Variants in RANBP2 observed in about 807,000 individuals in gnomAD.
The protein encoded by RANBP2 is RAN binding protein 2.
RANBP2 carries 57 observed loss-of-function variants against 303.6 expected under a neutral mutation model. The ratio of observed to expected loss-of-function variants is 0.19; its 90% CI spans 0.15 to 0.23. The LOEUF (loss-of-function observed/expected upper bound fraction) is 0.23, where lower values mean the gene tolerates loss of function less well. RANBP2 is among the 10% of genes least tolerant of loss of function. The probability of loss-of-function intolerance (pLI) is 1.00; values close to 1 mark genes in which losing one functional copy is unlikely to be tolerated. For synonymous variants in RANBP2, 1,167 were observed against 1,301.5 expected (o/e 0.90, Z 2.23); for missense variants, 3,138 against 3,780.8 (o/e 0.83, Z 4.46).
the RANBP2 span, among the ~76,000 whole-genome samples, chr2:109,314,183 G>A: frequency 6.6e-6 from 1 of 152,154 alleles, no homozygotes; most frequent in Admixed American, 6.5e-5. Flanking sequence ...GAGACCAGCG[G>A]GTGGGTGTCC....
the RANBP2 span, among the ~76,000 whole-genome samples, chr2:109,218,710 G>T: frequency 6.6e-6 from 1 of 152,290 alleles, no homozygotes; most frequent in African/African-American, 2.4e-5. Flanking sequence ...TTTCATCATG[G>T]CTGGACTTTG....
chr2:109,258,907 G>A, the RANBP2 span, among the ~76,000 whole-genome samples: 1 of 152,192 alleles, frequency 6.6e-6, no homozygotes, highest in Non-Finnish European at 1.5e-5. Context: ...TTGCCTTTCA[G>A]CTCGAGCTGC....
chr2:109,416,355 G>A, the RANBP2 span, among the ~76,000 whole-genome samples: 1 of 151,930 alleles, frequency 6.6e-6, no homozygotes. Context: ...AGCACTTTGG[G>A]AGGCTGAGGA....
the RANBP2 span, among the ~76,000 whole-genome samples, chr2:109,629,314 T>G: frequency 0.027 from 91 of 3,430 alleles, 4 homozygotes; most frequent in African/African-American, 0.046. Flanking sequence ...TATATATATA[T>G]ATATATATAT....
At chr2:109,147,048 C>A in the RANBP2 span, among the ~76,000 whole-genome samples, 3 of 152,048 alleles carry the variant, frequency 2.0e-5, no homozygotes, top group Non-Finnish European at 4.4e-5. Flanking sequence ...AGGCTCTGCC[C>A]TCCCAACAAC....
chr2:109,113,859 T>C, the RANBP2 span, among the ~76,000 whole-genome samples: 2 of 152,274 alleles, frequency 1.3e-5, no homozygotes, highest in Non-Finnish European at 2.9e-5. Context: ...TGTTGAATTT[T>C]GTCAAAGACC....
the RANBP2 span, among the ~76,000 whole-genome samples, chr2:109,181,335 A>G: frequency 6.6e-6 from 1 of 152,228 alleles, no homozygotes; most frequent in Non-Finnish European, 1.5e-5. Context: ...TAACATGGGT[A>G]CATTACTGTT....
the RANBP2 span, among the ~76,000 whole-genome samples, chr2:109,634,119 CAAAAAAAA>C: frequency 3.2e-4 from 18 of 56,096 alleles, no homozygotes; most frequent in East Asian, 1.4e-3. Context: ...GACTCTGTCT[CAAAAAAAA>C]AAAAAAAAAA....
At chr2:108,821,511 A>G in the RANBP2 span, among the ~76,000 whole-genome samples, 1 of 152,248 alleles carries the variant, frequency 6.6e-6, no homozygotes, top group East Asian at 1.9e-4. Flanking sequence ...TACTTACAGA[A>G]TATACACAAA....
chr2:109,684,259 T>TTTTTTTTTTTG, the RANBP2 span, among the ~76,000 whole-genome samples: 2 of 147,342 alleles, frequency 1.4e-5, no homozygotes, highest in African/African-American at 2.5e-5. Context: ...TTTTTTTTTT[T>TTTTTTTTTTTG]GAGGCAGCGT....
chr2:109,340,195 G>T, the RANBP2 span, among the ~76,000 whole-genome samples: 13 of 152,278 alleles, frequency 8.5e-5, no homozygotes, highest in East Asian at 1.9e-4. Flanking sequence ...ATCCAGTCCT[G>T]TCTCTCGGAC....
the RANBP2 span, chr2:109,432,350 TGA>T: frequency 1.0e-6 from 1 of 981,404 alleles, no homozygotes; most frequent in South Asian, 1.7e-5. Context: ...GGAGGGTGTG[TGA>T]GGCCTCTGTA....
the RANBP2 span, chr2:109,794,608 C>CGGCGGCGGCCGGG: frequency 5.4e-6 from 1 of 186,094 alleles, no homozygotes; most frequent in African/African-American, 8.6e-5. Flanking sequence ...GCGGCGGCGG[C>CGGCGGCGGCCGGG]GGGGGGGGCG....
At chr2:108,988,893 C>G in the RANBP2 span, 1 of 152,244 alleles carries the variant, frequency 6.6e-6, no homozygotes, top group Non-Finnish European at 1.5e-5. Context: ...CTCTCCCAGC[C>G]CATGACACCT....
chr2:109,263,923 C>T, the RANBP2 span, among the ~76,000 whole-genome samples: 5 of 152,174 alleles, frequency 3.3e-5, no homozygotes, highest in African/African-American at 7.2e-5. Context: ...GAGCCAAGAT[C>T]GTGCCACTGC....
chr2:109,477,639 T>G, the RANBP2 span, among the ~76,000 whole-genome samples: 1 of 150,942 alleles, frequency 6.6e-6, no homozygotes, highest in East Asian at 1.9e-4. Flanking sequence ...TGTGTGTGTG[T>G]GTGTTGGTGA....
the RANBP2 span, among the ~76,000 whole-genome samples, chr2:108,836,063 A>T: frequency 6.6e-6 from 1 of 152,184 alleles, no homozygotes; most frequent in African/African-American, 2.4e-5. Context: ...TTCCCAGTAG[A>T]TCCTCACCTC....
the RANBP2 span, chr2:109,616,113 A>G: frequency 2.8e-4 from 405 of 1,445,354 alleles, 2 homozygotes; most frequent in East Asian, 8.1e-3. Flanking sequence ...GTCTTAATAA[A>G]TTGAATACTA....
At position 108,770,273 on chromosome 2, in the gene RANBP2, C is replaced by T. The variant is rs183472839; in HGVS notation, c.7850-1428C>T. On this transcript the variant is annotated intron_variant, in intron 20 of 28. Coordinates refer to ENST00000283195, the MANE Select transcript of RANBP2 (RefSeq NM_006267.5). The stretch of plus-strand genomic sequence containing the variant: ...ATCTGATTTACCCAAGGTGTCTTTA[C>T]TGAGTAATAGCAGAAGTGGAACAAG... Among the ~76,000 whole-genome samples the T allele has an allele frequency of 4.5e-3, 684 of 152,262 alleles. 4 individuals are homozygous for T. The highest frequency in any genetic ancestry group is 0.016 in the African/African-American group (653 of 41,556).
Sources: gnomAD v4.1 joint callset for allele counts (sites outside exome capture counted in the v4.1 genomes callset) on GRCh38, gnomAD v4.1.1 for gene constraint, MANE v1.5 for transcripts, NCBI Gene and HGNC (gene_info 2026-07-23, HGNC 2026-07-21) for gene names.